The following NDUFS4 variants were observed in gnomAD, a reference collection of about 807,000 sequenced individuals.
NDUFS4 encodes NADH:ubiquinone oxidoreductase subunit S4, also known as NADH dehydrogenase [ubiquinone] iron-sulfur protein 4, mitochondrial.
Under a neutral mutation model 24.3 loss-of-function variants are expected in NDUFS4, and 28 were observed. The observed-to-expected ratio is 1.15, with a 90% CI of 0.85 to 1.58. The LOEUF (loss-of-function observed/expected upper bound fraction) is 1.58. NDUFS4 is among the 40% of genes most tolerant of loss of function. NDUFS4 has a pLI of 0.00. For missense variants in NDUFS4, 223 were observed against 207.9 expected (o/e 1.07, Z -0.45); for synonymous variants, 93 against 69.7 (o/e 1.34, Z -1.67).
At chr5:53,562,200 C>T (rs1360571586) in intron 1 of NDUFS4, among the ~76,000 whole-genome samples, 6 of 151,998 alleles carry the variant, frequency 3.9e-5, no homozygotes, top group Non-Finnish European at 7.4e-5. Context: ...GGCGGGGTTT[C>T]ACCATGTTGG....
chr5:53,560,800 C>T (rs1367586379), intron 1 of NDUFS4, 40 bp downstream of exon 1: 6 of 1,613,096 alleles, frequency 3.7e-6, no homozygotes, highest in Middle Eastern at 1.7e-4. Context: ...CTTCTTGGGT[C>T]CCTCCATTTT....
At chr5:53,572,079 G>T (rs545872900) in intron 1 of NDUFS4, among the ~76,000 whole-genome samples, 1 of 152,270 alleles carries the variant, frequency 6.6e-6, no homozygotes, top group East Asian at 1.9e-4. Flanking sequence ...AATATCCAAA[G>T]AAACAGTTAA....
intron 4 of NDUFS4, among the ~76,000 whole-genome samples, chr5:53,670,805 C>G (rs955822885): frequency 3.3e-5 from 5 of 151,236 alleles, no homozygotes; most frequent in Non-Finnish European, 7.4e-5. Flanking sequence ...TCTTATGTTA[C>G]TTATAAAATA....
intron 1 of NDUFS4, among the ~76,000 whole-genome samples, chr5:53,602,298 T>C (rs1208704031): frequency 6.6e-6 from 1 of 152,228 alleles, no homozygotes; most frequent in African/African-American, 2.4e-5. Context: ...ATTTTAACTT[T>C]GTGTAAATCA....
intron 1 of NDUFS4, among the ~76,000 whole-genome samples, chr5:53,599,031 GT>G (rs1188582875): frequency 6.6e-6 from 1 of 152,108 alleles, no homozygotes; most frequent in Non-Finnish European, 1.5e-5. Context: ...ATGTTTTTAA[GT>G]TTGTCAAAAA....
intron 1 of NDUFS4, among the ~76,000 whole-genome samples, chr5:53,598,590 C>G (rs2112451190): frequency 6.6e-6 from 1 of 152,176 alleles, no homozygotes; most frequent in East Asian, 1.9e-4. Context: ...TTGAGATTTT[C>G]TCATCTACAG....
chr5:53,560,671 G>A lies in NDUFS4; in HGVS notation c.9G>A (p.Ala3=), dbSNP rs1329465366. 2 of 1,614,216 alleles carry A rather than the reference G, an allele frequency of 1.2e-6. No homozygotes were observed. Among genetic ancestry groups the A allele is most frequent in the Non-Finnish European group, 8.5e-7 (1 of 1,180,046 alleles). The change falls in exon 1 of 5, where the codon GCG becomes GCA. Residue 3 remains alanine (A), a synonymous_variant. Transcript: ENST00000296684. ...CGTTTGCCTGCAGCAAGATGGCGGC[G>A]GTGTCAATGTCAGTGGTACTGAGGC... MA[A]VSMSVVLRQT... is the part of the protein sequence containing the mutation.
chr5:53,683,307 A>AATC lies in NDUFS4; in HGVS notation c.*87_*89dup, dbSNP rs1358419542. On this transcript the variant is annotated 3_prime_UTR_variant, in exon 5 of 5. Coordinates refer to ENST00000296684, the MANE Select transcript of NDUFS4 (RefSeq NM_002495.4). Reference sequence around the variant, plus strand: ...TCCATGTATAATAAATACATCTCTTAATCTCCTAATAAATTGGACCTTTAA... The same window carrying AATC: ...TCCATGTATAATAAATACATCTCTTAATCATCTCCTAATAAATTGGACCTTTAA... The AATC allele has an allele frequency of 5.2e-6, 5 of 952,994 alleles. No individual in the cohort carries two copies. In the African/African-American group the frequency reaches 6.5e-5, roughly 12 times the overall value. 59.0% of individuals were successfully genotyped at this position (952,994 alleles called of 1,614,324 possible).
intron 1 of NDUFS4, among the ~76,000 whole-genome samples, chr5:53,562,883 G>T (rs193218659): frequency 2.5e-3 from 377 of 152,164 alleles, no homozygotes; most frequent in Non-Finnish European, 2.9e-3. Flanking sequence ...CAGATCATTT[G>T]AATAGAATAT....
chr5:53,648,543 A>C (rs1046423993), intron 3 of NDUFS4, among the ~76,000 whole-genome samples: 1 of 152,182 alleles, frequency 6.6e-6, no homozygotes, highest in Non-Finnish European at 1.5e-5. Context: ...TTCCCAATGC[A>C]CCTTATTGTT....
In NDUFS4 at chr5:53,560,775, A is replaced by G; in HGVS notation, c.98+15A>G. 1.2e-6 allele frequency: 2 copies of G among 1,614,080 alleles called. No individual in the cohort carries two copies. The highest frequency in any genetic ancestry group is 2.7e-5 in the African/African-American group (2 of 75,034). ...GTTCCGACCAGGTAATAGAATTTTC[A>G]CACTTTTCTTCAAGCTTCTTGGGTC... On this transcript the variant is annotated intron_variant, in intron 1 of 4. Coordinates refer to ENST00000296684, the MANE Select transcript of NDUFS4 (RefSeq NM_002495.4).
At chr5:53,599,224 A>G (rs1458346337) in intron 1 of NDUFS4, among the ~76,000 whole-genome samples, 1 of 152,088 alleles carries the variant, frequency 6.6e-6, no homozygotes, top group Non-Finnish European at 1.5e-5. Context: ...AAATGCTGCT[A>G]TAAACATTGG....
intron 3 of NDUFS4, among the ~76,000 whole-genome samples, chr5:53,657,939 AAAAG>A (rs1752212981): frequency 6.6e-6 from 1 of 152,046 alleles, no homozygotes. Flanking sequence ...AAAAAAAAAA[AAAAG>A]AATAAAAGTG....
chr5:53,617,713 T>A (rs993110798), intron 2 of NDUFS4, among the ~76,000 whole-genome samples: 5 of 152,206 alleles, frequency 3.3e-5, no homozygotes, highest in African/African-American at 1.2e-4. Flanking sequence ...TTTCCTCTTT[T>A]GTAAATATAT....
chr5:53,631,313 T>A (rs866999620), intron 2 of NDUFS4, among the ~76,000 whole-genome samples: 9 of 152,312 alleles, frequency 5.9e-5, no homozygotes, highest in African/African-American at 2.2e-4. Flanking sequence ...CTATGAGGTG[T>A]CTGTCGGCCC....
chr5:53,639,928 GT>G (rs776561496), intron 2 of NDUFS4, among the ~76,000 whole-genome samples: 2 of 152,084 alleles, frequency 1.3e-5, no homozygotes, highest in Non-Finnish European at 2.9e-5. Context: ...CCAGGGAGGA[GT>G]TTTATAACAT....
chr5:53,611,256 C>CT (rs376260175), intron 2 of NDUFS4, among the ~76,000 whole-genome samples: 2 of 145,326 alleles, frequency 1.4e-5, no homozygotes, highest in Non-Finnish European at 3.0e-5. Context: ...TGTATCTTAT[C>CT]TTTTTTTTAG....
intron 4 of NDUFS4, among the ~76,000 whole-genome samples, chr5:53,663,456 G>T (rs970667369): frequency 2.0e-5 from 3 of 152,106 alleles, no homozygotes; most frequent in Non-Finnish European, 2.9e-5. Flanking sequence ...TTGTTATTGC[G>T]TGGGAGTCTT....
At position 53,603,454 on chromosome 5, in the gene NDUFS4, C is replaced by G. The variant is rs772784623; in HGVS notation, c.101C>G (p.Ser34Trp). ...ALSVSRVPTRSLRTSTWRLAQ... is the reference protein window; with the variant it reads ...ALSVSRVPTRWLRTSTWRLAQ... ...TAACTTAAAGTCTTGCACTGCAGGT[C>G]GTTGAGGACTTCCACATGGAGATTG... Residue 34 changes from serine (S) to tryptophan (W), a missense_variant and splice_region_variant, in exon 2 of 5, where the codon TCG becomes TGG. By Grantham distance (177) the Ser-to-Trp change is radical. Coordinates refer to ENST00000296684, the MANE Select transcript of NDUFS4 (RefSeq NM_002495.4). The G allele has an allele frequency of 2.5e-6, 4 of 1,612,082 alleles. No individual in the cohort carries two copies. The South Asian group carries it at 4.4e-5, about 18-fold the overall frequency.
Sources: gnomAD v4.1 joint callset for allele counts (sites outside exome capture counted in the v4.1 genomes callset) on GRCh38, gnomAD v4.1.1 for gene constraint, MANE v1.5 for transcripts, NCBI Gene and HGNC (gene_info 2026-07-23, HGNC 2026-07-21) for gene names.